WNK1: variants seen among roughly 807,000 people sequenced by gnomAD.
WNK1 encodes WNK lysine deficient protein kinase 1, also known as serine/threonine-protein kinase WNK1.
Under a neutral mutation model 222.8 loss-of-function variants are expected in WNK1, and 38 were observed. That is an observed-to-expected ratio of 0.17 (90% CI 0.13 to 0.22). The LOEUF is 0.22. Ranked by LOEUF, WNK1 falls within the 10% of genes least tolerant of loss-of-function variation. The pLI is 1.00. For missense variants in WNK1, 2,348 were observed against 2,918.4 expected, an observed-to-expected ratio of 0.80 and a Z score of 4.50; for synonymous variants, 1,090 against 1,092.9, an observed-to-expected ratio of 1.00 and a Z score of 0.05.
Position 883,470 on chromosome 12 carries a change from G to A in WNK1, c.3565G>A (p.Asp1189Asn), listed in dbSNP as rs372060006. ...DQVREIIEKA[D>N]EMLSEDVSVE... ...AGTGCGAGAAATTATTGAAAAAGCT[G>A]ATGAAATGCTCAGTGAGGATGTCAG... The change falls in exon 16 of 28, where the codon GAT becomes AAT. Residue 1189 changes from aspartate (D) to asparagine (N), a missense_variant. By Grantham distance (23) the Asp-to-Asn change is conservative. Transcript: ENST00000315939. 1.1e-5 allele frequency: 18 copies of A among 1,613,780 alleles called. No individual in the cohort carries two copies. Among genetic ancestry groups the A allele is most frequent in the Non-Finnish European group, 1.4e-5 (16 of 1,179,822 alleles).
Position 827,789 on chromosome 12 carries a change from A to G in WNK1, c.1153+527A>G, listed in dbSNP as rs1591887983. On this transcript the variant is annotated intron_variant, in intron 3 of 27. Transcript: ENST00000315939. The surrounding 1 kb of genome is among the most constrained non-coding windows in gnomAD (Gnocchi z 4.6). ...AGTGATCCACCTGCCTTGGCCTCCTAAAGTGTTGGGATTACAGGCGTGAGC... is the reference window on the plus strand; with the variant it reads ...AGTGATCCACCTGCCTTGGCCTCCTGAAGTGTTGGGATTACAGGCGTGAGC... Among the ~76,000 whole-genome samples, 1 of 152,002 alleles carries G rather than the reference A, an allele frequency of 6.6e-6. No homozygotes were observed. The highest frequency in any genetic ancestry group is 1.9e-4 in the East Asian group (1 of 5,164).
Position 884,401 on chromosome 12 carries a change from A to G in WNK1, c.3844+158A>G, listed in dbSNP as rs1953468403. Among the ~76,000 whole-genome samples, 1 of 152,238 alleles carries G rather than the reference A, an allele frequency of 6.6e-6. No individual in the cohort carries two copies. Among genetic ancestry groups the G allele is most frequent in the Admixed American group, 6.5e-5 (1 of 15,284 alleles). Reference sequence around the variant, plus strand: ...ACAGATAAACATATGGGAGAGGGAAATAGATGAAGAATACAGAGAATTACA... The same window carrying G: ...ACAGATAAACATATGGGAGAGGGAAGTAGATGAAGAATACAGAGAATTACA... On this transcript the variant is annotated intron_variant, in intron 18 of 27. Coordinates refer to ENST00000315939, the MANE Select transcript of WNK1 (RefSeq NM_018979.4). This position sits in a 1 kb window ranked among gnomAD's most constrained non-coding sequence, Gnocchi z 5.6.
rs1555157875 is a variant in WNK1, at chr12:896,336, C to T, written c.5849C>T (p.Thr1950Ile). The change falls in exon 24 of 28, where the codon ACT (threonine) becomes ATT (isoleucine). Residue 1950 changes from threonine to isoleucine, a missense_variant. Transcript: ENST00000315939. ...PTKVGRFQVT[T>I]TANKVGRFSV... is the part of the protein sequence containing the mutation. Reference sequence around the variant, plus strand: ...AAGGTTGGACGTTTTCAGGTGACAACTACAGCAAACAAAGTGGGTCGTTTC... The same window carrying T: ...AAGGTTGGACGTTTTCAGGTGACAATTACAGCAAACAAAGTGGGTCGTTTC... 1 of 1,614,178 alleles carries T rather than the reference C, an allele frequency of 6.2e-7. No individual in the cohort carries two copies.
rs1316944614 is a variant in WNK1, at chr12:862,130, T to C, written c.1999T>C (p.Ser667Pro). 6.2e-7 allele frequency: 1 copy of C among 1,614,082 alleles called. No homozygotes were observed. Among genetic ancestry groups the C allele is most frequent in the East Asian group, 2.2e-5 (1 of 44,880 alleles). The change falls in exon 8 of 28, where the codon TCT becomes CCT. Residue 667 changes from serine (S) to proline (P), a missense_variant. Physicochemically the swap from Ser to Pro is moderately conservative, Grantham distance 74 (BLOSUM62 -1). This residue lies in a region of WNK1 where 547 missense variants were observed against 558.3 expected (regional missense o/e 0.98). Coordinates refer to ENST00000315939, the MANE Select transcript of WNK1 (RefSeq NM_018979.4). ...TCAGGGATCCTCTGTCTTCACAGAATCTCGAGTGAGCAGCCAACAGACAGT... is the reference window on the plus strand; with the variant it reads ...TCAGGGATCCTCTGTCTTCACAGAACCTCGAGTGAGCAGCCAACAGACAGT... Reference protein sequence around the residue: ...SGQGSSVFTESRVSSQQTVSY... With the variant: ...SGQGSSVFTEPRVSSQQTVSY...
intron 2 of WNK1, among the ~76,000 whole-genome samples, chr12:820,531 A>G (rs1236144742): frequency 7.1e-6 from 1 of 140,090 alleles, no homozygotes; most frequent in Non-Finnish European, 1.5e-5. Flanking sequence ...GCTGGAGTGC[A>G]GTGGTGCAGT....
chr12:878,047 G>A lies in WNK1; in HGVS notation c.2224-165G>A, dbSNP rs577339939. 4 of 866,578 alleles carry A rather than the reference G, an allele frequency of 4.6e-6. No individual in the cohort carries two copies. In the African/African-American group the frequency reaches 5.0e-5, roughly 11 times the overall value. The allele number at this position is 866,578 out of a possible 1,614,324, so 53.7% of individuals were successfully genotyped here. ...GCACCATCACAAAGAACATCAGAGGGAAAACAAATATATAATGGAAATTGA... is the reference window on the plus strand; with the variant it reads ...GCACCATCACAAAGAACATCAGAGGAAAAACAAATATATAATGGAAATTGA... On this transcript the variant is annotated intron_variant, in intron 9 of 27. Coordinates refer to ENST00000315939, the MANE Select transcript of WNK1 (RefSeq NM_018979.4).
Position 753,808 on chromosome 12 carries a change from C to T in WNK1, c.243C>T (p.Arg81=). The T allele has an allele frequency of 6.2e-7, 1 of 1,612,736 alleles. No homozygotes were observed. The highest frequency in any genetic ancestry group is 1.1e-5 in the South Asian group (1 of 91,088). ...CCACCACTGAGCACCGCTTCTTCCGCCGGAGCGTCATCTGTGACTCCAATG... is the reference window on the plus strand; with the variant it reads ...CCACCACTGAGCACCGCTTCTTCCGTCGGAGCGTCATCTGTGACTCCAATG... ...TTTTTEHRFF[R]RSVICDSNAT... Residue 81 remains arginine, a synonymous_variant, in exon 1 of 28, where the codon CGC becomes CGT. Coordinates refer to ENST00000315939, the MANE Select transcript of WNK1 (RefSeq NM_018979.4). The surrounding 1 kb of genome is among the most constrained non-coding windows in gnomAD (Gnocchi z 5.2).
chr12:866,875 G>A (rs1326992760), intron 8 of WNK1, among the ~76,000 whole-genome samples: 1 of 152,128 alleles, frequency 6.6e-6, no homozygotes, highest in African/African-American at 2.4e-5. Flanking sequence ...TGTAATCCTA[G>A]CACTTTGGGA....
At chr12:774,778 G>C (rs1243999845) in intron 1 of WNK1, among the ~76,000 whole-genome samples, 1 of 152,082 alleles carries the variant, frequency 6.6e-6, no homozygotes, top group Non-Finnish European at 1.5e-5. Flanking sequence ...GTTTATGTCT[G>C]CAGAACTTCC....
At position 833,408 on chromosome 12, in the gene WNK1, C is replaced by T. The variant is rs903655527; in HGVS notation, c.1311+3248C>T. Among the ~76,000 whole-genome samples the T allele has an allele frequency of 2.0e-5, 3 of 152,210 alleles. No individual in the cohort carries two copies. The East Asian group carries it at 5.8e-4, about 29-fold the overall frequency. On this transcript the variant is annotated intron_variant, in intron 4 of 27. Transcript: ENST00000315939. Reference sequence around the variant, plus strand: ...CTTAATCTTTGCTATTCTTCATCTTCATCCAAGCACTCTATTTTAGTTAAA... The same window carrying T: ...CTTAATCTTTGCTATTCTTCATCTTTATCCAAGCACTCTATTTTAGTTAAA...
intron 10 of WNK1, 113 bp from the exon 11 acceptor site, chr12:879,460 T>TTTTTTTTC: frequency 1.4e-6 from 1 of 717,302 alleles, no homozygotes; most frequent in East Asian, 3.0e-5. Context: ...TTTTTTTTGT[T>TTTTTTTTC]TGTTTTTTCC....
At chr12:893,125 T>A (rs1954414895) in intron 22 of WNK1, among the ~76,000 whole-genome samples, 1 of 152,006 alleles carries the variant, frequency 6.6e-6, no homozygotes, top group Non-Finnish European at 1.5e-5. Context: ...GATGTGGTGG[T>A]GTGCACCTGT....
chr12:755,444 G>GGCCA (rs1292056621), intron 1 of WNK1, among the ~76,000 whole-genome samples: 1 of 152,030 alleles, frequency 6.6e-6, no homozygotes, highest in Admixed American at 6.6e-5. Flanking sequence ...AAATAACTAA[G>GGCCA]GCCATATCAA....
chr12:875,765 G>A (rs1238211034), intron 9 of WNK1, among the ~76,000 whole-genome samples: 2 of 152,224 alleles, frequency 1.3e-5, no homozygotes, highest in African/African-American at 4.8e-5. Flanking sequence ...TTTAGCTTCA[G>A]TGAAGGTAAA....
chr12:767,185 G>A (rs919105119), intron 1 of WNK1, among the ~76,000 whole-genome samples: 2 of 148,662 alleles, frequency 1.3e-5, no homozygotes, highest in East Asian at 2.0e-4. Flanking sequence ...TCAAAATATG[G>A]CAGATTTCTT....
intron 1 of WNK1, among the ~76,000 whole-genome samples, chr12:799,605 G>A (rs1469788311): frequency 3.3e-5 from 5 of 152,190 alleles, no homozygotes; most frequent in Non-Finnish European, 7.3e-5. Context: ...ATTTTAGGAG[G>A]CTGAAACAGG....
intron 3 of WNK1, 159 bp from the exon 4 acceptor site, chr12:829,844 C>A: frequency 2.8e-6 from 2 of 721,134 alleles, no homozygotes; most frequent in South Asian, 1.7e-5. Context: ...ATGGAACAGA[C>A]TGACTGAGAA....
At chr12:881,870 ATATTATAAACTGCAC>A in intron 13 of WNK1, 26 bp from the exon 14 acceptor site, 1 of 1,613,530 alleles carries the variant, frequency 6.2e-7, no homozygotes, top group East Asian at 2.2e-5. Flanking sequence ...TTTAAATCTC[ATATTATAAACTGCAC>A]TTTTTTTTCT....
At chr12:821,862 A>C (rs11064550) in intron 2 of WNK1, among the ~76,000 whole-genome samples, 2 of 151,788 alleles carry the variant, frequency 1.3e-5, no homozygotes, top group Non-Finnish European at 1.5e-5. Context: ...TTTATTTACT[A>C]TTAGCATAGA....
Sources: allele counts gnomAD v4.1 joint callset (sites outside exome capture counted in the v4.1 genomes callset), GRCh38; gene constraint gnomAD v4.1.1; regional missense constraint gnomAD v4.1.1; non-coding constraint Gnocchi (gnomAD v3.1); transcripts MANE v1.5; gene names NCBI Gene and HGNC (gene_info 2026-07-23, HGNC 2026-07-21).